MARCHF3: variants seen among roughly 807,000 people sequenced by gnomAD.
The protein encoded by MARCHF3 is membrane associated ring-CH-type finger 3, also known as E3 ubiquitin-protein ligase MARCHF3.
In MARCHF3, 13 loss-of-function variants were observed where a neutral mutation model predicts 24.2. That is an observed-to-expected ratio of 0.54 (90% CI 0.35 to 0.85). The LOEUF (loss-of-function observed/expected upper bound fraction) is 0.85. Ranked by LOEUF, MARCHF3 falls within the 40% of genes least tolerant of loss-of-function variation. The pLI, the probability that MARCHF3 is intolerant of heterozygous loss-of-function variation, is 0.01. For missense variants in MARCHF3, 276 were observed against 325.0 expected, an observed-to-expected ratio of 0.85 and a Z score of 1.16; for synonymous variants, 144 against 137.3, an observed-to-expected ratio of 1.05 and a Z score of -0.34.
rs146112899 is a variant in MARCHF3, at chr5:126,993,915, T to C, written c.-57+36435A>G. Among the ~76,000 whole-genome samples, 378 of 152,336 alleles carry C rather than the reference T, an allele frequency of 2.5e-3. 1 individual carries two copies. The highest frequency in any genetic ancestry group is 4.1e-3 in the Non-Finnish European group (277 of 68,022). ...GACCTTTAAGTTCTTGTGAATACTATAGGAATGCAAAACAGTTCAACTACT... is the reference window on the plus strand; with the variant it reads ...GACCTTTAAGTTCTTGTGAATACTACAGGAATGCAAAACAGTTCAACTACT... On this transcript the variant is annotated intron_variant, in intron 1 of 4. Coordinates refer to ENST00000308660, the MANE Select transcript of MARCHF3 (RefSeq NM_178450.5).
At chr5:126,998,551 A>G (rs1752021456) in intron 1 of MARCHF3, among the ~76,000 whole-genome samples, 1 of 152,198 alleles carries the variant, frequency 6.6e-6, no homozygotes, top group South Asian at 2.1e-4. Flanking sequence ...CACAGAAGCC[A>G]TCAGGTGGAG....
Position 126,931,826 on chromosome 5 carries a change from C to T in MARCHF3, c.-56-13599G>A, listed in dbSNP as rs115256058. ...AAATCACTAGCCTCACCAGTAAAAA[C>T]TGTTAACAATTTTCTTTTTAAAAAG... On this transcript the variant is annotated intron_variant, in intron 1 of 4. Coordinates refer to ENST00000308660, the MANE Select transcript of MARCHF3 (RefSeq NM_178450.5). Among the ~76,000 whole-genome samples, 1,114 of 152,216 alleles carry T rather than the reference C, an allele frequency of 7.3e-3. 5 individuals are homozygous for T. The highest frequency in any genetic ancestry group is 0.037 in the Middle Eastern group (11 of 294).
chr5:126,992,782 T>G (rs2126844550), intron 1 of MARCHF3, among the ~76,000 whole-genome samples: 1 of 147,636 alleles, frequency 6.8e-6, no homozygotes, highest in African/African-American at 2.5e-5. Flanking sequence ...TTTTTTTTTT[T>G]TTTTTTTGAG....
intron 1 of MARCHF3, among the ~76,000 whole-genome samples, chr5:126,975,034 G>A (rs1199205700): frequency 6.6e-6 from 1 of 152,174 alleles, no homozygotes; most frequent in African/African-American, 2.4e-5. Flanking sequence ...TCAGCTCACT[G>A]CAACCTCCGC....
intron 1 of MARCHF3, among the ~76,000 whole-genome samples, chr5:126,925,436 C>T (rs1042326006): frequency 6.6e-6 from 1 of 152,058 alleles, no homozygotes; most frequent in Non-Finnish European, 1.5e-5. Flanking sequence ...TTCTCTTCAG[C>T]CAGGTAAAAT....
At chr5:126,963,894 A>C (rs757085581) in intron 1 of MARCHF3, among the ~76,000 whole-genome samples, 46 of 152,256 alleles carry the variant, frequency 3.0e-4, no homozygotes, top group Admixed American at 1.2e-3. Context: ...CAGAGAACCC[A>C]CCTAAGGGGA....
intron 1 of MARCHF3, among the ~76,000 whole-genome samples, chr5:126,969,801 C>A (rs146267302): frequency 6.6e-6 from 1 of 152,148 alleles, no homozygotes; most frequent in South Asian, 2.1e-4. Flanking sequence ...TGGGGTGGGG[C>A]CATTAATTTG....
intron 1 of MARCHF3, among the ~76,000 whole-genome samples, chr5:126,974,343 G>T (rs1751122150): frequency 6.6e-6 from 1 of 152,208 alleles, no homozygotes; most frequent in African/African-American, 2.4e-5. Context: ...ACCTAAGTGA[G>T]GGTAAAAAAT....
chr5:126,992,407 C>T (rs1751797768), intron 1 of MARCHF3, among the ~76,000 whole-genome samples: 1 of 152,204 alleles, frequency 6.6e-6, no homozygotes, highest in African/African-American at 2.4e-5. Context: ...GACTTATAGG[C>T]AGGCATCTGA....
chr5:127,010,226 G>T (rs944359292), intron 1 of MARCHF3, among the ~76,000 whole-genome samples: 2 of 152,136 alleles, frequency 1.3e-5, no homozygotes, highest in Non-Finnish European at 1.5e-5. Flanking sequence ...AATTTCATAA[G>T]GTGGTAAGGG....
chr5:126,996,663 G>A (rs1463424160), intron 1 of MARCHF3, among the ~76,000 whole-genome samples: 1 of 151,946 alleles, frequency 6.6e-6, no homozygotes, highest in Non-Finnish European at 1.5e-5. Flanking sequence ...TTAGCAAAAA[G>A]CACTAATAAG....
In MARCHF3 at chr5:126,983,536, G is replaced by A. The variant is rs1751459241; in HGVS notation, c.-57+46814C>T. Among the ~76,000 whole-genome samples, 4 of 152,268 alleles carry A rather than the reference G, an allele frequency of 2.6e-5. No individual in the cohort carries two copies. The South Asian group carries it at 8.3e-4, about 32-fold the overall frequency. On this transcript the variant is annotated intron_variant, in intron 1 of 4. Coordinates refer to ENST00000308660, the MANE Select transcript of MARCHF3 (RefSeq NM_178450.5). ...CTTTTGGATATCAGCAAAGGCTCTC[G>A]GAACTGTCAGCAGGCTCAGAATGCA...
At chr5:126,916,467 A>C (rs1241585614) in intron 2 of MARCHF3, among the ~76,000 whole-genome samples, 4 of 152,086 alleles carry the variant, frequency 2.6e-5, no homozygotes, top group African/African-American at 9.7e-5. Flanking sequence ...TGATCCTGGG[A>C]ATGAGTGAAG....
At chr5:126,953,157 CA>C (rs1258433204) in intron 1 of MARCHF3, among the ~76,000 whole-genome samples, 7 of 151,946 alleles carry the variant, frequency 4.6e-5, no homozygotes, top group African/African-American at 1.5e-4. Flanking sequence ...TTGTTTTTTC[CA>C]GGCAGTTCTA....
At chr5:126,917,846 C>CTTTT in intron 2 of MARCHF3, 138 bp downstream of exon 2, 4 of 683,084 alleles carry the variant, frequency 5.9e-6, no homozygotes, top group South Asian at 2.5e-5. Context: ...CTCGTGTAGT[C>CTTTT]TTTTTTTTTT....
At chr5:127,019,825 A>G (rs1237955384) in intron 1 of MARCHF3, among the ~76,000 whole-genome samples, 2 of 152,218 alleles carry the variant, frequency 1.3e-5, no homozygotes, top group Non-Finnish European at 2.9e-5. Context: ...TGCAGGAGAT[A>G]TACTATCAAG....
intron 3 of MARCHF3, among the ~76,000 whole-genome samples, chr5:126,889,791 G>A (rs546058252): frequency 6.6e-6 from 1 of 152,234 alleles, no homozygotes; most frequent in East Asian, 1.9e-4. Flanking sequence ...TTGAGGCAGC[G>A]GCTTAAGTTC....
At chr5:126,959,367 A>G (rs1009209589) in intron 1 of MARCHF3, among the ~76,000 whole-genome samples, 1 of 152,226 alleles carries the variant, frequency 6.6e-6, no homozygotes, top group Non-Finnish European at 1.5e-5. Flanking sequence ...GGGACTTTTT[A>G]CAAAATAGCT....
At chr5:126,992,824 T>G (rs1018405977) in intron 1 of MARCHF3, among the ~76,000 whole-genome samples, 17 of 139,708 alleles carry the variant, frequency 1.2e-4, no homozygotes. Context: ...CAGGCTGGAG[T>G]GCAGTGGCGC....
Sources: allele counts gnomAD v4.1 joint callset (sites outside exome capture counted in the v4.1 genomes callset), GRCh38; gene constraint gnomAD v4.1.1; transcripts MANE v1.5; gene names NCBI Gene and HGNC (gene_info 2026-07-23, HGNC 2026-07-21).